The following ZNF532 variants were observed in gnomAD, a reference collection of about 807,000 sequenced individuals.
The protein encoded by ZNF532 is zinc finger protein 532.
A neutral mutation model predicts 89.3 loss-of-function variants in ZNF532; 22 were observed. The observed-to-expected ratio is 0.25, with a 90% confidence interval of 0.18 to 0.35. ZNF532 has a LOEUF of 0.35. Ranked by LOEUF, ZNF532 falls within the 10% of genes least tolerant of loss-of-function variation. The pLI, the probability that ZNF532 is intolerant of heterozygous loss-of-function variation, is 1.00. For synonymous variants in ZNF532, 606 were observed against 649.6 expected (o/e 0.93, Z 1.02); for missense variants, 1,132 against 1,643.4 (o/e 0.69, Z 5.38).
chr18:58,904,838 C>CTTTTT (rs532227361), intron 2 of ZNF532, among the ~76,000 whole-genome samples: 1 of 135,184 alleles, frequency 7.4e-6, no homozygotes, highest in African/African-American at 2.7e-5. Context: ...CTATTTCTTT[C>CTTTTT]TTTTTTTTTT....
chr18:58,942,809 T>C (rs574318945), intron 5 of ZNF532, among the ~76,000 whole-genome samples: 32 of 152,352 alleles, frequency 2.1e-4, no homozygotes, highest in Non-Finnish European at 1.9e-4. Flanking sequence ...GCAGTGAAAT[T>C]CCCCAGCAGT....
At chr18:58,963,784 T>G (rs1437402699) in intron 7 of ZNF532, among the ~76,000 whole-genome samples, 1 of 141,584 alleles carries the variant, frequency 7.1e-6, no homozygotes, top group Non-Finnish European at 1.5e-5. Flanking sequence ...GTCGTGTCAC[T>G]GCACTCCAGT....
chr18:58,960,876 T>C (rs548287425), intron 7 of ZNF532, among the ~76,000 whole-genome samples: 9 of 152,278 alleles, frequency 5.9e-5, no homozygotes, highest in African/African-American at 1.7e-4. Context: ...GCAAGGCAGA[T>C]CTTAAATGCA....
chr18:58,913,722 C>T (rs1250922001), intron 2 of ZNF532, among the ~76,000 whole-genome samples: 1 of 152,114 alleles, frequency 6.6e-6, no homozygotes, highest in Non-Finnish European at 1.5e-5. Context: ...CCAAAGCAGA[C>T]CTTGTATTAT....
intron 2 of ZNF532, among the ~76,000 whole-genome samples, chr18:58,915,182 G>C (rs2060517347): frequency 6.6e-6 from 1 of 152,192 alleles, no homozygotes; most frequent in Non-Finnish European, 1.5e-5. Context: ...CAACCCCAGA[G>C]AGGGGAGTCC....
At chr18:58,896,885 A>G (rs557416908) in intron 2 of ZNF532, among the ~76,000 whole-genome samples, 1 of 152,314 alleles carries the variant, frequency 6.6e-6, no homozygotes, top group South Asian at 2.1e-4. Context: ...AATCGGCAAA[A>G]TAAGTAGGGA....
At chr18:58,967,788 C>T (rs2066077987) in intron 7 of ZNF532, among the ~76,000 whole-genome samples, 1 of 152,194 alleles carries the variant, frequency 6.6e-6, no homozygotes, top group South Asian at 2.1e-4. Flanking sequence ...TTAACTCTCA[C>T]CACGTTTTAT....
chr18:58,935,688 G>A (rs2062414371), intron 4 of ZNF532, among the ~76,000 whole-genome samples: 1 of 151,334 alleles, frequency 6.6e-6, no homozygotes, highest in Non-Finnish European at 1.5e-5. Context: ...TGACCTTCCT[G>A]TGCCTTTTAT....
rs141726177 is a variant in ZNF532, at chr18:58,880,517, G to A, written c.-18+14938G>A. Among the ~76,000 whole-genome samples the A allele has an allele frequency of 9.0e-4, 137 of 152,274 alleles. 1 individual carries two copies. In the East Asian group the frequency reaches 0.023, roughly 25 times the overall value. On this transcript the variant is annotated intron_variant, in intron 2 of 9. Coordinates refer to ENST00000591808, the MANE Select transcript of ZNF532 (RefSeq NM_001375912.1). ...ATTGCCAGAGTGGATGAGCTCTTTT[G>A]AGTGTGGAAAGTGAATCTTTTTTCT...
In ZNF532 at chr18:58,903,339, G is replaced by A. The variant is rs868124085; in HGVS notation, c.-17-14932G>A. The stretch of plus-strand genomic sequence containing the variant: ...GAACCGCAGCAGCTCATGGTTGGGG[G>A]CAGATTGTATTGGGAATTTGGTGTG... On this transcript the variant is annotated intron_variant, in intron 2 of 9. Transcript: ENST00000591808. 5.3e-5 allele frequency among the ~76,000 whole-genome samples: 8 copies of A among 152,212 alleles called. No individual in the cohort carries two copies. In the South Asian group the frequency reaches 6.2e-4, roughly 12 times the overall value.
At chr18:58,888,876 T>TAA (rs1348542840) in intron 2 of ZNF532, among the ~76,000 whole-genome samples, 4 of 42,332 alleles carry the variant, frequency 9.4e-5, no homozygotes, top group Non-Finnish European at 1.5e-4. Flanking sequence ...ATAATATATA[T>TAA]TATATATATA....
chr18:58,957,865 A>AC (rs1016186030), intron 7 of ZNF532, among the ~76,000 whole-genome samples: 11 of 151,570 alleles, frequency 7.3e-5, no homozygotes, highest in South Asian at 2.1e-4. Context: ...GGAGTTCGAG[A>AC]CCCCCCCTGG....
intron 7 of ZNF532, among the ~76,000 whole-genome samples, chr18:58,954,661 CTT>C (rs141106605): frequency 2.3e-5 from 3 of 129,090 alleles, no homozygotes; most frequent in Non-Finnish European, 3.3e-5. Flanking sequence ...GTAATTGATA[CTT>C]TTTTTTTTTT....
intron 2 of ZNF532, among the ~76,000 whole-genome samples, chr18:58,879,746 T>G (rs1220348661): frequency 1.3e-5 from 2 of 152,190 alleles, no homozygotes; most frequent in South Asian, 2.1e-4. Flanking sequence ...AAAACAACAC[T>G]GTTGGCCAAC....
intron 4 of ZNF532, among the ~76,000 whole-genome samples, chr18:58,934,854 C>T (rs1201776425): frequency 6.6e-6 from 1 of 152,156 alleles, no homozygotes; most frequent in Admixed American, 6.5e-5. Context: ...CACACTCTTG[C>T]ATGTGTGCAG....
intron 7 of ZNF532, among the ~76,000 whole-genome samples, chr18:58,964,949 C>T (rs1204563885): frequency 6.7e-6 from 1 of 148,838 alleles, no homozygotes; most frequent in Non-Finnish European, 1.5e-5. Flanking sequence ...TCATATATTT[C>T]TTATATATTT....
At chr18:58,957,667 T>G (rs1378857149) in intron 7 of ZNF532, among the ~76,000 whole-genome samples, 1 of 152,154 alleles carries the variant, frequency 6.6e-6, no homozygotes, top group Non-Finnish European at 1.5e-5. Flanking sequence ...TTTTTGACCT[T>G]TCTTCCCCTT....
chr18:58,870,042 A>G (rs2056846001), intron 2 of ZNF532, among the ~76,000 whole-genome samples: 1 of 147,944 alleles, frequency 6.8e-6, no homozygotes, highest in Non-Finnish European at 1.5e-5. Flanking sequence ...CTGGGATTAC[A>G]GGTGTGAGCC....
At chr18:58,946,862 A>G (rs1338842491) in intron 5 of ZNF532, among the ~76,000 whole-genome samples, 1 of 152,104 alleles carries the variant, frequency 6.6e-6, no homozygotes, top group Non-Finnish European at 1.5e-5. Flanking sequence ...ACGGGGAAAA[A>G]GAGAAAAAAG....
Sources: allele counts gnomAD v4.1 joint callset (sites outside exome capture counted in the v4.1 genomes callset), GRCh38; gene constraint gnomAD v4.1.1; transcripts MANE v1.5; gene names NCBI Gene and HGNC (gene_info 2026-07-23, HGNC 2026-07-21).